GTF2I: variants seen among roughly 807,000 people sequenced by gnomAD.
The protein encoded by GTF2I is general transcription factor II-I.
Under a neutral mutation model 67.6 loss-of-function variants are expected in GTF2I, and 12 were observed. The ratio of observed to expected loss-of-function variants is 0.18; its 90% confidence interval spans 0.11 to 0.29. The LOEUF is 0.29. GTF2I is among the 10% of genes least tolerant of loss of function. The pLI, the probability that GTF2I is intolerant of heterozygous loss-of-function variation, is 1.00. For missense variants in GTF2I, 271 were observed against 580.1 expected (o/e 0.47, Z 5.47); for synonymous variants, 149 against 197.0 (o/e 0.76, Z 2.04).
intron 3 of GTF2I, among the ~76,000 whole-genome samples, chr7:74,697,802 C>T (rs1346156712): frequency 6.6e-5 from 10 of 152,150 alleles, no homozygotes; most frequent in African/African-American, 2.4e-4. Flanking sequence ...CGGAGTCTTG[C>T]TCTGTCGCCA....
Position 74,723,428 on chromosome 7 carries a change from C to CTTTTTTTT in GTF2I, c.943+4500_943+4507dup, listed in dbSNP as rs58149301. On this transcript the variant is annotated intron_variant, in intron 12 of 34. Transcript: ENST00000573035. ...AGGCATAAGCCACCGCTCCCGGCCT[C>CTTTTTTTT]TTTTTTTTTTTTTTTTTTTTAAGAC... Among the ~76,000 whole-genome samples, 389 of 61,060 alleles carry CTTTTTTTT rather than the reference C, an allele frequency of 6.4e-3. 73 individuals carry two copies. The highest frequency in any genetic ancestry group is 0.013 in the South Asian group (18 of 1,368). 40.1% of individuals were successfully genotyped at this position (61,060 alleles called of 152,430 possible).
chr7:74,702,788 T>C (rs1337669192), intron 6 of GTF2I, among the ~76,000 whole-genome samples: 2 of 150,974 alleles, frequency 1.3e-5, no homozygotes, highest in African/African-American at 4.9e-5. Context: ...GGCTGGAGTG[T>C]AGTGGCGCCA....
chr7:74,709,114 A>G (rs1791173496), intron 8 of GTF2I, among the ~76,000 whole-genome samples: 1 of 152,248 alleles, frequency 6.6e-6, no homozygotes, highest in South Asian at 2.1e-4. Context: ...CACAGAAGAG[A>G]ATAGTTAGTA....
chr7:74,732,534 T>A lies in GTF2I; in HGVS notation c.1176T>A (p.Ser392=). ...CGATCCCGTACCCTCTTTTCCAGTC[T>A]CATGTTGAAGATCTTTATGTAGAAG... ...PVTIPYPLFQ[S]HVEDLYVEGL... Residue 392 remains serine, a synonymous_variant, in exon 15 of 35, where the codon TCT becomes TCA. Transcript: ENST00000573035. 2 of 1,607,146 alleles carry A rather than the reference T, an allele frequency of 1.2e-6. No homozygotes were observed. Among genetic ancestry groups the A allele is most frequent in the Non-Finnish European group, 1.7e-6 (2 of 1,178,154 alleles).
At chr7:74,660,498 CT>C (rs1244908285) in intron 1 of GTF2I, among the ~76,000 whole-genome samples, 1 of 152,084 alleles carries the variant, frequency 6.6e-6, no homozygotes, top group African/African-American at 2.4e-5. Flanking sequence ...GGCCTGTGGT[CT>C]TCTCTTATAT....
In GTF2I at chr7:74,753,152, GAATGACCTCTTTAGTCGGA is replaced by G. The variant is rs1352639053; in HGVS notation, c.2620_2638del (p.Asp874LeufsTer11). On this transcript the variant is annotated frameshift_variant, in exon 29 of 35. Transcript: ENST00000573035. LOFTEE classifies it high-confidence loss of function. ...AAGCTAGACAGCTAAGAGAACAAGT[GAATGACCTCTTTAGTCGGA>G]AATTTGGTAAGTTTTGCATTTGCAA... The G allele has an allele frequency of 6.2e-7, 1 of 1,612,222 alleles. No individual in the cohort carries two copies. The highest frequency in any genetic ancestry group is 1.3e-5 in the African/African-American group (1 of 74,866).
rs1049146200 is a variant in GTF2I, at chr7:74,706,397, C to T, written c.649C>T (p.Pro217Ser). Residue 217 changes from proline (P) to serine (S), a missense_variant, in exon 8 of 35, where the codon CCC becomes TCC. Physicochemically the swap from Pro to Ser is moderately conservative, Grantham distance 74. This residue lies in a region of GTF2I where 124 missense variants were observed against 147.0 expected (regional missense o/e 0.84). Transcript: ENST00000573035. ...SILSPGGSCGPIKVKTEPTED... is the reference protein window; with the variant it reads ...SILSPGGSCGSIKVKTEPTED... ...GCTTTCTTCTCCTTGCAGTTGTGGC[C>T]CCATCAAAGTGAAAACTGAACCCAC... 6.2e-7 allele frequency: 1 copy of T among 1,613,518 alleles called. No individual in the cohort carries two copies. The highest frequency in any genetic ancestry group is 1.6e-4 in the Middle Eastern group (1 of 6,062).
At chr7:74,708,070 C>T (rs1332696259) in intron 8 of GTF2I, among the ~76,000 whole-genome samples, 1 of 151,972 alleles carries the variant, frequency 6.6e-6, no homozygotes, top group Non-Finnish European at 1.5e-5. Flanking sequence ...GAGGCTGAGG[C>T]GAGTGGATCA....
At chr7:74,692,343 TACAGGCGTGAGCCAC>T in intron 3 of GTF2I, among the ~76,000 whole-genome samples, 1 of 152,298 alleles carries the variant, frequency 6.6e-6, no homozygotes, top group Middle Eastern at 3.4e-3. Context: ...GTGCTGGGAT[TACAGGCGTGAGCCAC>T]CACATCCGGC....
intron 1 of GTF2I, among the ~76,000 whole-genome samples, chr7:74,659,851 T>G (rs903225553): frequency 1.3e-5 from 2 of 152,160 alleles, no homozygotes; most frequent in Admixed American, 6.6e-5. Flanking sequence ...CCTCATCTCT[T>G]TTAAATTCAA....
At chr7:74,680,099 A>AAAAAAAAAAAAAAAAAATAT in intron 1 of GTF2I, among the ~76,000 whole-genome samples, 2 of 94,986 alleles carry the variant, frequency 2.1e-5, no homozygotes, top group African/African-American at 8.0e-5. Flanking sequence ...AAAAAAAAAA[A>AAAAAAAAAAAAAAAAAATAT]ATATATATAT....
intron 3 of GTF2I, among the ~76,000 whole-genome samples, chr7:74,696,135 G>A (rs1554398296): frequency 7.3e-5 from 11 of 151,546 alleles, no homozygotes; most frequent in Non-Finnish European, 1.5e-5. Context: ...GGGATTACAG[G>A]CACACCTGGC....
chr7:74,720,860 G>A (rs1176071066), intron 12 of GTF2I, among the ~76,000 whole-genome samples: 1 of 150,958 alleles, frequency 6.6e-6, no homozygotes, highest in Non-Finnish European at 1.5e-5. Flanking sequence ...CTCCTGTAGA[G>A]GCTGTATTAA....
At chr7:74,723,428 C>CCTTTTTTTT (rs1793319970) in intron 12 of GTF2I, among the ~76,000 whole-genome samples, 1 of 61,088 alleles carries the variant, frequency 1.6e-5, no homozygotes, top group African/African-American at 8.3e-5. Context: ...CTCCCGGCCT[C>CCTTTTTTTT]TTTTTTTTTT....
At chr7:74,693,530 C>T (rs587698193) in intron 3 of GTF2I, among the ~76,000 whole-genome samples, 109 of 152,088 alleles carry the variant, frequency 7.2e-4, no homozygotes, top group African/African-American at 2.6e-3. Context: ...CCTCAGGCCT[C>T]CCTGGTCCCT....
intron 3 of GTF2I, among the ~76,000 whole-genome samples, chr7:74,698,048 C>T (rs1488406156): frequency 6.6e-6 from 1 of 152,190 alleles, no homozygotes; most frequent in Admixed American, 6.5e-5. Context: ...CTCCACCTCC[C>T]GGGCTCACGC....
At chr7:74,664,151 G>C (rs920745467) in intron 1 of GTF2I, among the ~76,000 whole-genome samples, 21 of 152,112 alleles carry the variant, frequency 1.4e-4, no homozygotes, top group Admixed American at 7.2e-4. Context: ...GTGTGGGTAC[G>C]TCATCGGAAG....
rs1788198027 is a variant in GTF2I at position 74,690,633 on chromosome 7, C to T, written c.100-340C>T. Among the ~76,000 whole-genome samples the T allele has an allele frequency of 2.0e-5, 3 of 152,138 alleles. 1 individual carries two copies. In the South Asian group the frequency reaches 6.2e-4, roughly 31 times the overall value. On this transcript the variant is annotated intron_variant, in intron 2 of 34. Coordinates refer to ENST00000573035, the MANE Select transcript of GTF2I (RefSeq NM_032999.4). ...CTTTCCCAGGGGAGGGCCATGCCAG[C>T]TCCCAGCTCTGGGTGCAGCTACATC...
chr7:74,664,104 C>T (rs782291405), intron 1 of GTF2I, among the ~76,000 whole-genome samples: 6 of 152,090 alleles, frequency 3.9e-5, no homozygotes, highest in South Asian at 4.1e-4. Context: ...GCTGGGCCAC[C>T]GCACCCAGCC....
Sources: gnomAD v4.1 joint callset for allele counts (sites outside exome capture counted in the v4.1 genomes callset) on GRCh38, gnomAD v4.1.1 for gene constraint, gnomAD v4.1.1 regional missense constraint, MANE v1.5 for transcripts, NCBI Gene and HGNC (gene_info 2026-07-23, HGNC 2026-07-21) for gene names.